Variants in KLHL1 observed in about 807,000 individuals in gnomAD.
The protein encoded by KLHL1 is kelch like family member 1.
Under a neutral mutation model 77.7 loss-of-function variants are expected in KLHL1, and 47 were observed. The ratio of observed to expected loss-of-function variants is 0.60; its 90% CI spans 0.48 to 0.77. KLHL1 has a LOEUF of 0.77. Among genes scored for constraint, KLHL1 ranks in the 30% least tolerant of loss-of-function variants. The pLI is 0.00. For synonymous variants in KLHL1, 360 were observed against 325.2 expected (o/e 1.11, Z -1.15); for missense variants, 925 against 910.8 (o/e 1.02, Z -0.20).
intron 1 of KLHL1, among the ~76,000 whole-genome samples, chr13:70,002,439 G>C (rs1290112208): frequency 2.6e-5 from 4 of 151,452 alleles, no homozygotes; most frequent in East Asian, 1.9e-4. Flanking sequence ...TTTTTTAAAT[G>C]AACGGAGCCT....
At chr13:69,873,580 C>A (rs2138179895) in intron 5 of KLHL1, among the ~76,000 whole-genome samples, 1 of 152,190 alleles carries the variant, frequency 6.6e-6, no homozygotes. Context: ...ACTGTTAGCT[C>A]CACTGCCACA....
chr13:69,955,941 T>A (rs1238080921), intron 3 of KLHL1, among the ~76,000 whole-genome samples: 1 of 96,896 alleles, frequency 1.0e-5, no homozygotes, highest in African/African-American at 3.2e-5. Flanking sequence ...ATTTGATATA[T>A]ATTTATATAT....
intron 6 of KLHL1, among the ~76,000 whole-genome samples, chr13:69,804,309 G>T (rs5001469): frequency 0.4 from 57,587 of 143,656 alleles, 11,224 homozygotes; most frequent in African/African-American, 0.53. Context: ...TTTTTTTGTG[G>T]GGGGGGGAAA....
At chr13:69,761,846 T>C (rs988007014) in intron 7 of KLHL1, among the ~76,000 whole-genome samples, 3 of 152,174 alleles carry the variant, frequency 2.0e-5, no homozygotes, top group African/African-American at 4.8e-5. Flanking sequence ...TGACTCATCA[T>C]GGAATAGATA....
At chr13:69,786,234 T>A (rs1420480227) in intron 7 of KLHL1, among the ~76,000 whole-genome samples, 4 of 152,182 alleles carry the variant, frequency 2.6e-5, no homozygotes, top group Non-Finnish European at 5.9e-5. Context: ...ATATCCTTGA[T>A]GAACATTGAT....
chr13:69,866,169 T>TGC (rs1315959959), intron 5 of KLHL1, among the ~76,000 whole-genome samples: 1 of 152,114 alleles, frequency 6.6e-6, no homozygotes, highest in Non-Finnish European at 1.5e-5. Context: ...TATGCTGAAT[T>TGC]GCGGCAAATT....
Position 70,062,119 on chromosome 13 carries a change from C to T in KLHL1, c.497+45084G>A, listed in dbSNP as rs533858093. Among the ~76,000 whole-genome samples, 16 of 152,254 alleles carry T rather than the reference C, an allele frequency of 1.1e-4. No individual in the cohort carries two copies. The South Asian group carries it at 3.1e-3, about 30-fold the overall frequency. ...TCCTGTCTCCGTTACCTTTCCCATCCGCTAGGTATCTGATTCCAGCTACTA... is the reference window on the plus strand; with the variant it reads ...TCCTGTCTCCGTTACCTTTCCCATCTGCTAGGTATCTGATTCCAGCTACTA... On this transcript the variant is annotated intron_variant, in intron 1 of 10. Transcript: ENST00000377844.
At chr13:69,975,532 T>G in intron 2 of KLHL1, 88 bp downstream of exon 2, 1 of 1,066,098 alleles carries the variant, frequency 9.4e-7, no homozygotes, top group Non-Finnish European at 1.4e-6. Context: ...CTTATTTCTG[T>G]AGTCATATAA....
chr13:70,061,104 A>C (rs1886870518), intron 1 of KLHL1, among the ~76,000 whole-genome samples: 1 of 152,092 alleles, frequency 6.6e-6, no homozygotes, highest in African/African-American at 2.4e-5. Flanking sequence ...GGGAGAAGTG[A>C]GGATGGTTAT....
intron 4 of KLHL1, among the ~76,000 whole-genome samples, chr13:69,903,328 G>A (rs1198199303): frequency 1.3e-5 from 2 of 152,088 alleles, no homozygotes; most frequent in African/African-American, 4.8e-5. Flanking sequence ...TTCGAGGCTT[G>A]GAAACCAACC....
intron 7 of KLHL1, among the ~76,000 whole-genome samples, chr13:69,794,913 A>G (rs181297914): frequency 9.1e-4 from 139 of 152,334 alleles, no homozygotes; most frequent in African/African-American, 3.3e-3. Flanking sequence ...AGATTAAGGA[A>G]TATCAACATC....
chr13:69,833,340 C>T (rs1436911440), intron 6 of KLHL1, among the ~76,000 whole-genome samples: 2 of 151,602 alleles, frequency 1.3e-5, no homozygotes, highest in African/African-American at 4.9e-5. Flanking sequence ...AAATAGCCAA[C>T]AAACATATGA....
At chr13:69,914,072 C>T (rs1331273904) in intron 4 of KLHL1, among the ~76,000 whole-genome samples, 9 of 152,152 alleles carry the variant, frequency 5.9e-5, no homozygotes, top group Admixed American at 5.2e-4. Flanking sequence ...TTCCTACCCT[C>T]GAACATGGCA....
intron 5 of KLHL1, among the ~76,000 whole-genome samples, chr13:69,854,651 C>T (rs1219651241): frequency 6.6e-6 from 1 of 152,014 alleles, no homozygotes; most frequent in Non-Finnish European, 1.5e-5. Context: ...TTATTAGTTT[C>T]TCTGAAATTG....
intron 7 of KLHL1, among the ~76,000 whole-genome samples, chr13:69,777,601 A>T (rs1875897205): frequency 6.6e-6 from 1 of 151,998 alleles, no homozygotes; most frequent in Non-Finnish European, 1.5e-5. Flanking sequence ...TCCCTTTCAC[A>T]TTTGTGTTTT....
At chr13:69,867,867 G>C (rs1397854958) in intron 5 of KLHL1, among the ~76,000 whole-genome samples, 9 of 105,376 alleles carry the variant, frequency 8.5e-5, no homozygotes, top group Non-Finnish European at 1.2e-4. Context: ...TGGGGGGAGG[G>C]GGGAGGGATA....
chr13:69,745,746 A>G (rs898623833), intron 7 of KLHL1, among the ~76,000 whole-genome samples: 1 of 151,964 alleles, frequency 6.6e-6, no homozygotes, highest in Non-Finnish European at 1.5e-5. Context: ...TTTCCTGAAC[A>G]GAACATGAAA....
rs1888109041 is a variant in KLHL1, at chr13:70,107,725, T to A, written c.-26A>T. The A allele has an allele frequency of 6.7e-7, 1 of 1,497,372 alleles. No individual in the cohort carries two copies. Among genetic ancestry groups the A allele is most frequent in the Admixed American group, 2.3e-5 (1 of 43,318 alleles). The allele number at this position is 1,497,372 out of a possible 1,614,324, so 92.8% of individuals were successfully genotyped here. A position where few individuals can be genotyped will look rare whatever the true frequency, so the allele number is the denominator to read the frequency against. ...GCTTTACGCACAGAAGGCAAAAGGC[T>A]GGCAGCTCACGCAGGAGTAGGCTGG... On this transcript the variant is annotated 5_prime_UTR_variant, in exon 1 of 11. Coordinates refer to ENST00000377844, the MANE Select transcript of KLHL1 (RefSeq NM_020866.3).
At chr13:69,852,472 T>C (rs1410111645) in intron 5 of KLHL1, among the ~76,000 whole-genome samples, 2 of 152,088 alleles carry the variant, frequency 1.3e-5, no homozygotes, top group African/African-American at 2.4e-5. Flanking sequence ...GTGGACCTAG[T>C]GTTAAACTTT....
Sources: allele counts gnomAD v4.1 joint callset (sites outside exome capture counted in the v4.1 genomes callset), GRCh38; gene constraint gnomAD v4.1.1; transcripts MANE v1.5; gene names NCBI Gene and HGNC (gene_info 2026-07-23, HGNC 2026-07-21).